The following ZNF609 variants were observed in gnomAD, a reference collection of about 807,000 sequenced individuals.
ZNF609 encodes zinc finger protein 609.
ZNF609 carries 11 observed loss-of-function variants against 109.5 expected under a neutral mutation model. The observed-to-expected ratio is 0.10, with a 90% confidence interval of 0.06 to 0.17. The LOEUF is 0.17. ZNF609 is among the 10% of genes least tolerant of loss of function. ZNF609 has a pLI of 1.00. For missense variants in ZNF609, 1,559 were observed against 1,772.4 expected, an observed-to-expected ratio of 0.88 and a Z score of 2.16; for synonymous variants, 646 against 662.0, an observed-to-expected ratio of 0.98 and a Z score of 0.37.
At chr15:64,669,369 A>G (rs1424946213) in intron 3 of ZNF609, among the ~76,000 whole-genome samples, 1 of 152,256 alleles carries the variant, frequency 6.6e-6, no homozygotes, top group Non-Finnish European at 1.5e-5. Flanking sequence ...CTGTCTACAC[A>G]TATGGAATGA....
chr15:64,529,416 A>G lies in ZNF609; in HGVS notation c.747+29250A>G, dbSNP rs1192589916. ...CTCAGCGCCAGCATCACCCCATTTG[A>G]TTTTGGAGGGATCTTGGTCCTGGAA... On this transcript the variant is annotated intron_variant, in intron 2 of 9. Transcript: ENST00000326648. 3.5e-5 allele frequency: 27 copies of G among 782,590 alleles called. No homozygotes were observed. The East Asian group carries it at 6.8e-4, about 20-fold the overall frequency. The allele number at this position is 782,590 out of a possible 1,614,324, so 48.5% of individuals were successfully genotyped here.
intron 2 of ZNF609, among the ~76,000 whole-genome samples, chr15:64,534,694 G>A (rs1191241299): frequency 1.3e-5 from 2 of 151,920 alleles, no homozygotes; most frequent in Non-Finnish European, 2.9e-5. Flanking sequence ...CTAATCTCTT[G>A]TAACCACTAA....
At chr15:64,599,168 GTTTTTTTTTT>G (rs556122154) in intron 2 of ZNF609, among the ~76,000 whole-genome samples, 5 of 46,494 alleles carry the variant, frequency 1.1e-4, no homozygotes, top group Non-Finnish European at 1.7e-4. Flanking sequence ...TTTTGTGGTG[GTTTTTTTTTT>G]TTTTTTTTTT....
intron 2 of ZNF609, among the ~76,000 whole-genome samples, chr15:64,576,877 TATATACACATATAA>T (rs1894963152): frequency 7.1e-6 from 1 of 140,334 alleles, no homozygotes; most frequent in Non-Finnish European, 1.5e-5. Flanking sequence ...AAGAATCATA[TATATACACATATAA>T]ATATATACAT....
In ZNF609 at chr15:64,533,897, T is replaced by A. The variant is rs982912029; in HGVS notation, c.747+33731T>A. On this transcript the variant is annotated intron_variant, in intron 2 of 9. Coordinates refer to ENST00000326648, the MANE Select transcript of ZNF609 (RefSeq NM_015042.2). ...AGATTTGCCTTGTTTTGCTTGTTCATGTCTGCGTATGTGTCGTTATTTCCA... is the reference window on the plus strand; with the variant it reads ...AGATTTGCCTTGTTTTGCTTGTTCAAGTCTGCGTATGTGTCGTTATTTCCA... Among the ~76,000 whole-genome samples, 6 of 152,362 alleles carry A rather than the reference T, an allele frequency of 3.9e-5. No homozygotes were observed. In the East Asian group the frequency reaches 5.8e-4, roughly 15 times the overall value.
chr15:64,645,545 AT>A (rs1280184345), intron 3 of ZNF609, among the ~76,000 whole-genome samples: 1 of 152,136 alleles, frequency 6.6e-6, no homozygotes, highest in African/African-American at 2.4e-5. Context: ...GATAAATTGG[AT>A]TTCATCAAAA....
chr15:64,577,150 A>ATG lies in ZNF609; in HGVS notation c.748-45673_748-45672dup, dbSNP rs1555420404. ...TATATATACACACAAATATATACATATGTGTATATATACACACAATATATA... is the reference window on the plus strand; with the variant it reads ...TATATATACACACAAATATATACATATGTGTGTATATATACACACAATATATA... On this transcript the variant is annotated intron_variant, in intron 2 of 9. Coordinates refer to ENST00000326648, the MANE Select transcript of ZNF609 (RefSeq NM_015042.2). 1.5e-5 allele frequency among the ~76,000 whole-genome samples: 2 copies of ATG among 131,016 alleles called. 1 individual carries two copies. The highest frequency in any genetic ancestry group is 5.6e-5 in the African/African-American group (2 of 35,444). 86.0% of individuals were successfully genotyped at this position (131,016 alleles called of 152,430 possible). A position where few individuals can be genotyped will look rare whatever the true frequency, so the allele number is the denominator to read the frequency against.
chr15:64,675,280 G>T lies in ZNF609; in HGVS notation c.2426G>T (p.Gly809Val), dbSNP rs1381957274. The T allele has an allele frequency of 1.2e-6, 2 of 1,613,902 alleles. No individual in the cohort carries two copies. The highest frequency in any genetic ancestry group is 1.3e-5 in the African/African-American group (1 of 74,902). Residue 809 changes from glycine (G) to valine (V), a missense_variant, in exon 5 of 10, where the codon GGC becomes GTC. Gly to Val is a moderately radical substitution (Grantham distance 109). Transcript: ENST00000326648. ...TDNAPSPSIG[G>V]SSRLENTTPT... is the part of the protein sequence containing the mutation. Reference sequence around the variant, plus strand: ...AATGCCCCCAGCCCTTCCATTGGAGGCAGTAGCCGCCTTGAAAACACTACC... The same window carrying T: ...AATGCCCCCAGCCCTTCCATTGGAGTCAGTAGCCGCCTTGAAAACACTACC...
chr15:64,543,980 C>T (rs1371563917), intron 2 of ZNF609, among the ~76,000 whole-genome samples: 1 of 152,060 alleles, frequency 6.6e-6, no homozygotes, highest in Non-Finnish European at 1.5e-5. Context: ...GTAGCTGTTC[C>T]ATAAGTGCTC....
In ZNF609 at chr15:64,675,369, A is replaced by G. The variant is rs1308924671; in HGVS notation, c.2515A>G (p.Lys839Glu). ...TQNGAEASSV[K>E]TNSPAYSDIS... Reference sequence around the variant, plus strand: ...GAATGGAGCTGAAGCCAGCTCAGTCAAAACCAACAGCCCTGCATACTCTGA... The same window carrying G: ...GAATGGAGCTGAAGCCAGCTCAGTCGAAACCAACAGCCCTGCATACTCTGA... The change falls in exon 5 of 10, where the codon AAA (lysine) becomes GAA (glutamate). Residue 839 changes from lysine (K) to glutamate (E), a missense_variant. Coordinates refer to ENST00000326648, the MANE Select transcript of ZNF609 (RefSeq NM_015042.2). 4 of 1,614,092 alleles carry G rather than the reference A, an allele frequency of 2.5e-6. No homozygotes were observed. In the East Asian group the frequency reaches 8.9e-5, roughly 36 times the overall value.
In ZNF609 at chr15:64,681,760, G is replaced by A. The variant is rs114094474; in HGVS notation, c.*74G>A. On this transcript the variant is annotated 3_prime_UTR_variant, in exon 10 of 10. Transcript: ENST00000326648. ...GCTTACCCAAGGAGGTGCTGAAGGT[G>A]CCGTTTAGACATCAGTTAAATGGTG... 4.3e-3 allele frequency: 798 copies of A among 185,218 alleles called. 6 individuals are homozygous for A. Among genetic ancestry groups the A allele is most frequent in the African/African-American group, 0.018 (762 of 43,248 alleles). The allele number at this position is 185,218 out of a possible 1,614,324, so 11.5% of individuals were successfully genotyped here.
chr15:64,633,077 C>T (rs911702302), intron 3 of ZNF609, among the ~76,000 whole-genome samples: 3 of 152,010 alleles, frequency 2.0e-5, no homozygotes, highest in African/African-American at 7.3e-5. Flanking sequence ...AGCCATCACA[C>T]CTGGTCCATA....
chr15:64,669,109 G>C (rs942525891), intron 3 of ZNF609, among the ~76,000 whole-genome samples: 2 of 151,986 alleles, frequency 1.3e-5, no homozygotes, highest in African/African-American at 4.8e-5. Context: ...ACTATAAATG[G>C]GTATATGAAT....
intron 1 of ZNF609, among the ~76,000 whole-genome samples, chr15:64,490,365 G>C (rs572441): frequency 0.96 from 145,018 of 151,566 alleles, 69,609 homozygotes; most frequent in East Asian, 1. Context: ...CCTCCACCTC[G>C]CGGGTTCAAG....
chr15:64,537,909 T>C (rs1371840391), intron 2 of ZNF609, among the ~76,000 whole-genome samples: 3 of 152,056 alleles, frequency 2.0e-5, no homozygotes, highest in Non-Finnish European at 4.4e-5. Flanking sequence ...GAGACCAGCC[T>C]TACCAACATG....
chr15:64,608,328 C>T (rs1167422249), intron 2 of ZNF609, among the ~76,000 whole-genome samples: 1 of 152,034 alleles, frequency 6.6e-6, no homozygotes. Context: ...TAATACAGTA[C>T]TCTCATGTAC....
chr15:64,461,788 T>C (rs1892944839), intron 1 of ZNF609, among the ~76,000 whole-genome samples: 1 of 152,232 alleles, frequency 6.6e-6, no homozygotes, highest in Non-Finnish European at 1.5e-5. Flanking sequence ...CAGCCATGTG[T>C]CCAGAGCCTA....
intron 2 of ZNF609, among the ~76,000 whole-genome samples, chr15:64,572,170 T>C (rs547402212): frequency 5.3e-5 from 8 of 152,312 alleles, no homozygotes; most frequent in Admixed American, 4.6e-4. Context: ...TAAACAAAAA[T>C]GTCACCTTCT....
chr15:64,580,663 T>C (rs903093136), intron 2 of ZNF609, among the ~76,000 whole-genome samples: 1 of 151,650 alleles, frequency 6.6e-6, no homozygotes, highest in African/African-American at 2.4e-5. Flanking sequence ...TGCCTCAGCC[T>C]CCCGAGTAAC....
Sources: allele counts gnomAD v4.1 joint callset (sites outside exome capture counted in the v4.1 genomes callset), GRCh38; gene constraint gnomAD v4.1.1; transcripts MANE v1.5; gene names NCBI Gene and HGNC (gene_info 2026-07-23, HGNC 2026-07-21).